Variants in ZSCAN5A observed in about 807,000 individuals in gnomAD.
The protein encoded by ZSCAN5A is zinc finger and SCAN domain containing 5A.
In ZSCAN5A, 12 loss-of-function variants were observed where a neutral mutation model predicts 23.7. The ratio of observed to expected loss-of-function variants is 0.51; its 90% CI spans 0.32 to 0.82. ZSCAN5A has a LOEUF of 0.82. Ranked by LOEUF, ZSCAN5A falls within the 40% of genes least tolerant of loss-of-function variation. The pLI is 0.03. For synonymous variants in ZSCAN5A, 257 were observed against 239.9 expected (o/e 1.07, Z -0.66); for missense variants, 597 against 617.9 (o/e 0.97, Z 0.36).
At chr19:56,273,667 G>C (rs186075966) in intron 2 of ZSCAN5A, among the ~76,000 whole-genome samples, 6 of 152,262 alleles carry the variant, frequency 3.9e-5, no homozygotes, top group Non-Finnish European at 2.9e-5. Flanking sequence ...CTCCATCAGA[G>C]AGAGGCCGGT....
intron 2 of ZSCAN5A, among the ~76,000 whole-genome samples, chr19:56,349,831 A>C (rs2041657145): frequency 6.6e-6 from 1 of 151,350 alleles, no homozygotes; most frequent in South Asian, 2.1e-4. Context: ...ACTTTTTATT[A>C]TTTCTAAACT....
At chr19:56,269,463 C>A (rs759066709) in intron 2 of ZSCAN5A, among the ~76,000 whole-genome samples, 1 of 152,124 alleles carries the variant, frequency 6.6e-6, no homozygotes, top group Non-Finnish European at 1.5e-5. Flanking sequence ...ACTCCTGGAA[C>A]CTGGGAGTGT....
chr19:56,239,925 AG>A, intron 2 of ZSCAN5A, among the ~76,000 whole-genome samples: 1 of 152,234 alleles, frequency 6.6e-6, no homozygotes, highest in East Asian at 1.9e-4. Flanking sequence ...GCACTTTGGG[AG>A]GCCGAGGTGG....
At chr19:56,281,073 T>C (rs149615839) in intron 2 of ZSCAN5A, among the ~76,000 whole-genome samples, 1 of 152,360 alleles carries the variant, frequency 6.6e-6, no homozygotes, top group African/African-American at 2.4e-5. Context: ...ATATATTTTG[T>C]ATGTTACATA....
intron 2 of ZSCAN5A, among the ~76,000 whole-genome samples, chr19:56,358,474 T>C (rs772182767): frequency 7.9e-6 from 1 of 126,116 alleles, no homozygotes; most frequent in Admixed American, 7.3e-5. Context: ...CACCCAATAA[T>C]AGCGGGAGAC....
intron 2 of ZSCAN5A, among the ~76,000 whole-genome samples, chr19:56,252,756 A>T (rs563022047): frequency 6.6e-6 from 1 of 152,354 alleles, no homozygotes; most frequent in East Asian, 1.9e-4. Context: ...TGGTTGGGCA[A>T]GGGTGGGACC....
At chr19:56,333,464 T>C (rs2041507495) in intron 2 of ZSCAN5A, among the ~76,000 whole-genome samples, 1 of 151,996 alleles carries the variant, frequency 6.6e-6, no homozygotes, top group Non-Finnish European at 1.5e-5. Flanking sequence ...TATTTTGAAA[T>C]TCCTTAATTG....
chr19:56,262,729 G>A (rs542179783), intron 2 of ZSCAN5A, among the ~76,000 whole-genome samples: 2 of 152,232 alleles, frequency 1.3e-5, no homozygotes, highest in South Asian at 2.1e-4. Context: ...ACTGCGCCCG[G>A]CCCTGATTTT....
chr19:56,246,802 A>G (rs746242477), intron 2 of ZSCAN5A: 87 of 1,610,100 alleles, frequency 5.4e-5, no homozygotes, highest in Non-Finnish European at 7.2e-5. Flanking sequence ...GGATGCTGAC[A>G]CACCTTCTGC....
At chr19:56,272,066 A>T (rs1447158700) in intron 2 of ZSCAN5A, among the ~76,000 whole-genome samples, 1 of 152,252 alleles carries the variant, frequency 6.6e-6, no homozygotes, top group Admixed American at 6.5e-5. Flanking sequence ...AACTTTATAG[A>T]TCAAGAAAAT....
upstream of ZSCAN5A, chr19:56,315,158 G>A (rs1387130265): frequency 1.3e-5 from 2 of 152,244 alleles, no homozygotes; most frequent in Non-Finnish European, 2.9e-5. Context: ...GGGTTGTTTT[G>A]CGGCCAGCGA....
upstream of ZSCAN5A, chr19:56,315,929 T>A (rs2041302842): frequency 6.6e-6 from 1 of 152,220 alleles, no homozygotes; most frequent in African/African-American, 2.4e-5. Flanking sequence ...CTTTGGAGAT[T>A]TGGACAAGTT....
chr19:56,248,570 C>T (rs987343836), intron 2 of ZSCAN5A, among the ~76,000 whole-genome samples: 1 of 152,004 alleles, frequency 6.6e-6, no homozygotes, highest in Non-Finnish European at 1.5e-5. Flanking sequence ...TTGTATTAGG[C>T]TTTATTAGTA....
chr19:56,305,245 G>A lies in ZSCAN5A; in HGVS notation c.-128+8038C>T, dbSNP rs77520739. ...AAAGGGAACTCTGTACCAAGACATC[G>A]TCTCTTCCCCCTGTTCCTGGCAACC... On this transcript the variant is annotated intron_variant, in intron 2 of 5. Coordinates refer to ENST00000683990, the MANE Select transcript of ZSCAN5A (RefSeq NM_001322064.3). Among the ~76,000 whole-genome samples, 10 of 150,546 alleles carry A rather than the reference G, an allele frequency of 6.6e-5. No homozygotes were observed. In the East Asian group the frequency reaches 1.9e-3, roughly 28 times the overall value.
At chr19:56,264,498 C>G (rs2037332858) in intron 2 of ZSCAN5A, among the ~76,000 whole-genome samples, 1 of 152,164 alleles carries the variant, frequency 6.6e-6, no homozygotes, top group Admixed American at 6.5e-5. Flanking sequence ...GACATCAGAT[C>G]TGAATCCTGA....
At chr19:56,302,755 C>G (rs779903960) in intron 2 of ZSCAN5A, 2 of 370,216 alleles carry the variant, frequency 5.4e-6, no homozygotes, top group Non-Finnish European at 9.6e-6. Context: ...CTTCTCCCTT[C>G]TGCACTAACA....
intron 2 of ZSCAN5A, among the ~76,000 whole-genome samples, chr19:56,349,467 C>A (rs576789850): frequency 6.6e-6 from 1 of 152,014 alleles, no homozygotes; most frequent in Non-Finnish European, 1.5e-5. Context: ...GAGGCCGAGA[C>A]GGGCGGATTA....
At chr19:56,329,451 A>G (rs1341154074) in intron 2 of ZSCAN5A, among the ~76,000 whole-genome samples, 1 of 152,102 alleles carries the variant, frequency 6.6e-6, no homozygotes, top group Non-Finnish European at 1.5e-5. Flanking sequence ...AAATGCTAAG[A>G]GGGAAATAGG....
intron 2 of ZSCAN5A, among the ~76,000 whole-genome samples, chr19:56,311,412 T>C (rs1203364846): frequency 2.0e-5 from 3 of 152,158 alleles, no homozygotes; most frequent in Non-Finnish European, 1.5e-5. Context: ...TGAAATAAAA[T>C]CCATTAGAAT....
Sources: gnomAD v4.1 joint callset for allele counts (sites outside exome capture counted in the v4.1 genomes callset) on GRCh38, gnomAD v4.1.1 for gene constraint, MANE v1.5 for transcripts, NCBI Gene and HGNC (gene_info 2026-07-23, HGNC 2026-07-21) for gene names.